CNTN5: variants seen among roughly 807,000 people sequenced by gnomAD.
CNTN5 encodes contactin 5.
Under a neutral mutation model 129.1 loss-of-function variants are expected in CNTN5, and 77 were observed. That is an observed-to-expected ratio of 0.60 (90% CI 0.50 to 0.72). The LOEUF is 0.72. CNTN5 is among the 30% of genes least tolerant of loss of function. The pLI is 0.00. For synonymous variants in CNTN5, 509 were observed against 465.6 expected, an observed-to-expected ratio of 1.09 and a Z score of -1.20; for missense variants, 1,478 against 1,328.8, an observed-to-expected ratio of 1.11 and a Z score of -1.75.
At chr11:99,482,774 A>G (rs1049247287) in intron 2 of CNTN5, among the ~76,000 whole-genome samples, 9 of 152,166 alleles carry the variant, frequency 5.9e-5, no homozygotes, top group African/African-American at 2.2e-4. Flanking sequence ...TGTTCCATGA[A>G]AGAAATAATT....
rs1364340090 is a variant in CNTN5 at position 100,242,813 on chromosome 11, C to A, written c.2006-12947C>A. 2.0e-5 allele frequency among the ~76,000 whole-genome samples: 3 copies of A among 152,182 alleles called. No individual in the cohort carries two copies. In the East Asian group the frequency reaches 5.8e-4, roughly 29 times the overall value. ...ATACAAATGAATGAATATGTAACCC[C>A]TTTTCCCCAAAGAGACTAATTACAT... On this transcript the variant is annotated intron_variant, in intron 16 of 24. Coordinates refer to ENST00000524871, the MANE Select transcript of CNTN5 (RefSeq NM_014361.4).
rs1952579797 is a variant in CNTN5 at position 100,358,733 on chromosome 11, A to T, written c.*2513A>T. 2 of 151,888 alleles carry T rather than the reference A, an allele frequency of 1.3e-5. No homozygotes were observed. The highest frequency in any genetic ancestry group is 4.1e-4 in the South Asian group (2 of 4,834). The allele number at this position is 151,888 out of a possible 1,614,324, so 9.4% of individuals were successfully genotyped here. A position where few individuals can be genotyped will look rare whatever the true frequency, so the allele number is the denominator to read the frequency against. ...CCCAAATGAAGGTACTGTGGACCCC[A>T]TGTCAAACTGTTAAATATATTGTGT... On this transcript the variant is annotated 3_prime_UTR_variant, in exon 25 of 25. Coordinates refer to ENST00000524871, the MANE Select transcript of CNTN5 (RefSeq NM_014361.4).
intron 13 of CNTN5, among the ~76,000 whole-genome samples, chr11:100,171,991 C>T (rs1947841435): frequency 6.6e-6 from 1 of 151,894 alleles, no homozygotes; most frequent in Non-Finnish European, 1.5e-5. Flanking sequence ...CAAGGAAAAA[C>T]CAGCTTATTC....
intron 1 of CNTN5, among the ~76,000 whole-genome samples, chr11:99,244,559 A>G (rs373403427): frequency 1.7e-4 from 26 of 152,170 alleles, no homozygotes; most frequent in Middle Eastern, 3.4e-3. Context: ...TCTTTCTTTC[A>G]CAAGTTTAAT....
chr11:100,193,484 A>G lies in CNTN5; in HGVS notation c.1709-4A>G, dbSNP rs765221249. On this transcript the variant is annotated splice_region_variant and splice_polypyrimidine_tract_variant and intron_variant, in intron 14 of 24. Transcript: ENST00000524871. ...TCTTAATTAACGTATTTTTATTTCT[A>G]TAGAACCTACAAGGATAGAACTTAC... The G allele has an allele frequency of 7.9e-6, 12 of 1,528,286 alleles. No homozygotes were observed. The East Asian group carries it at 2.3e-4, about 29-fold the overall frequency. The allele number at this position is 1,528,286 out of a possible 1,614,324, so 94.7% of individuals were successfully genotyped here.
intron 3 of CNTN5, among the ~76,000 whole-genome samples, chr11:99,734,890 C>A (rs1943650680): frequency 6.6e-6 from 1 of 152,164 alleles, no homozygotes; most frequent in Non-Finnish European, 1.5e-5. Flanking sequence ...CGCCTGTAGT[C>A]CCAGCTACTA....
At chr11:99,135,486 G>A (rs1283375070) in intron 1 of CNTN5, among the ~76,000 whole-genome samples, 1 of 152,104 alleles carries the variant, frequency 6.6e-6, no homozygotes, top group Non-Finnish European at 1.5e-5. Flanking sequence ...CAGAAAGAAA[G>A]CCAGGGCGAC....
rs182196633 is a variant in CNTN5 at position 99,045,781 on chromosome 11, A to G, written c.-210+24511A>G. Among the ~76,000 whole-genome samples, 89 of 152,328 alleles carry G rather than the reference A, an allele frequency of 5.8e-4. 1 individual carries two copies. The highest frequency in any genetic ancestry group is 1.0e-3 in the Non-Finnish European group (71 of 68,038). On this transcript the variant is annotated intron_variant, in intron 1 of 24. Transcript: ENST00000524871. ...AGTAAACAAGCTGATTACATTTAAC[A>G]TAATTTAAAGAAATCTCACTGGGCA...
chr11:99,747,202 T>C (rs1463747501), intron 3 of CNTN5, among the ~76,000 whole-genome samples: 1 of 152,200 alleles, frequency 6.6e-6, no homozygotes, highest in African/African-American at 2.4e-5. Context: ...GCCTTCTTTA[T>C]TTCATTTTCT....
chr11:99,802,913 C>G (rs772649443), intron 3 of CNTN5, among the ~76,000 whole-genome samples: 7 of 152,188 alleles, frequency 4.6e-5, no homozygotes, highest in Non-Finnish European at 1.0e-4. Context: ...TGGCATGGCT[C>G]AGGCTGCCAA....
At position 99,615,404 on chromosome 11, in the gene CNTN5, A is replaced by G. The variant is rs1197535494; in HGVS notation, c.55+59135A>G. Among the ~76,000 whole-genome samples the G allele has an allele frequency of 2.0e-5, 3 of 152,290 alleles. No homozygotes were observed. The South Asian group carries it at 6.2e-4, about 32-fold the overall frequency. On this transcript the variant is annotated intron_variant, in intron 3 of 24. Transcript: ENST00000524871. ...CAAGTTAGTATAAACCCAACTTTTTAAGAAGAATTTTTATTGAAAATTTAC... is the reference window on the plus strand; with the variant it reads ...CAAGTTAGTATAAACCCAACTTTTTGAGAAGAATTTTTATTGAAAATTTAC...
chr11:99,248,346 T>C (rs1389565241), intron 1 of CNTN5, among the ~76,000 whole-genome samples: 6 of 152,214 alleles, frequency 3.9e-5, no homozygotes, highest in Non-Finnish European at 8.8e-5. Context: ...GAGTTCATTG[T>C]AGATTCTGGA....
chr11:99,357,136 A>G (rs1437368436), intron 2 of CNTN5, among the ~76,000 whole-genome samples: 1 of 152,190 alleles, frequency 6.6e-6, no homozygotes, highest in African/African-American at 2.4e-5. Flanking sequence ...GAATTTGATC[A>G]GGGATGCTTC....
intron 1 of CNTN5, among the ~76,000 whole-genome samples, chr11:99,320,040 G>C (rs1282882817): frequency 1.3e-5 from 2 of 152,134 alleles, no homozygotes; most frequent in Admixed American, 6.5e-5. Context: ...AGGAGTTCGA[G>C]ACCAGCCTGG....
intron 6 of CNTN5, among the ~76,000 whole-genome samples, chr11:99,881,046 A>G (rs994156136): frequency 3.9e-5 from 6 of 152,238 alleles, no homozygotes; most frequent in East Asian, 1.9e-4. Context: ...ACTAGTTTCA[A>G]TTAAAACTGG....
At chr11:99,770,372 A>G (rs1944903834) in intron 3 of CNTN5, among the ~76,000 whole-genome samples, 1 of 152,088 alleles carries the variant, frequency 6.6e-6, no homozygotes, top group Non-Finnish European at 1.5e-5. Context: ...CATTTTCATT[A>G]GCATATAATT....
chr11:99,203,301 G>A (rs866617737), intron 1 of CNTN5, among the ~76,000 whole-genome samples: 1 of 152,206 alleles, frequency 6.6e-6, no homozygotes, highest in Middle Eastern at 3.4e-3. Context: ...AATCATTTGA[G>A]CTTCATGGAA....
chr11:99,838,783 A>T (rs1222007491), intron 4 of CNTN5, among the ~76,000 whole-genome samples: 2 of 152,108 alleles, frequency 1.3e-5, no homozygotes, highest in Non-Finnish European at 2.9e-5. Context: ...TGGATATGCA[A>T]TGGTCTTCTT....
chr11:99,535,882 C>G (rs1947881849), intron 2 of CNTN5, among the ~76,000 whole-genome samples: 1 of 152,024 alleles, frequency 6.6e-6, no homozygotes, highest in South Asian at 2.1e-4. Context: ...TAAAATATTA[C>G]TTCTTATTTG....
Sources: allele counts gnomAD v4.1 joint callset (sites outside exome capture counted in the v4.1 genomes callset), GRCh38; gene constraint gnomAD v4.1.1; transcripts MANE v1.5; gene names NCBI Gene and HGNC (gene_info 2026-07-23, HGNC 2026-07-21).